Variants in GPC6 observed in about 807,000 individuals in gnomAD.
GPC6 encodes the protein glypican 6.
Under a neutral mutation model 55.2 loss-of-function variants are expected in GPC6, and 14 were observed. That is an observed-to-expected ratio of 0.25 (90% CI 0.17 to 0.40). The LOEUF is 0.40. Ranked by LOEUF, GPC6 falls within the 10% of genes least tolerant of loss-of-function variation. The pLI is 1.00. For missense variants in GPC6, 641 were observed against 708.5 expected, an observed-to-expected ratio of 0.90 and a Z score of 1.08; for synonymous variants, 278 against 259.6, an observed-to-expected ratio of 1.07 and a Z score of -0.68.
intron 1 of GPC6, among the ~76,000 whole-genome samples, chr13:93,535,160 G>A (rs1178626568): frequency 6.6e-6 from 1 of 152,050 alleles, no homozygotes; most frequent in African/African-American, 2.4e-5. Context: ...TAAGTGTTGT[G>A]TCTAATTATA....
At chr13:94,172,146 G>A (rs1183800361) in intron 4 of GPC6, among the ~76,000 whole-genome samples, 2 of 152,022 alleles carry the variant, frequency 1.3e-5, no homozygotes, top group African/African-American at 4.8e-5. Flanking sequence ...TTCTTAGATT[G>A]TAGTGTTATG....
intron 1 of GPC6, among the ~76,000 whole-genome samples, chr13:93,467,274 C>T (rs1014420907): frequency 6.6e-6 from 1 of 152,140 alleles, no homozygotes; most frequent in Non-Finnish European, 1.5e-5. Flanking sequence ...TGGTAATTTG[C>T]ATATATACTG....
Position 93,679,195 on chromosome 13 carries a change from T to C in GPC6, c.319+133774T>C, listed in dbSNP as rs140377847. On this transcript the variant is annotated intron_variant, in intron 2 of 8. Coordinates refer to ENST00000377047, the MANE Select transcript of GPC6 (RefSeq NM_005708.5). ...AATAATTTTAAAATGTTGTATATTA[T>C]GAGATTCCCTTTTGTGAAACACAGC... Among the ~76,000 whole-genome samples the C allele has an allele frequency of 2.1e-3, 326 of 152,280 alleles. 1 individual carries two copies. Among genetic ancestry groups the C allele is most frequent in the Admixed American group, 3.8e-3 (58 of 15,270 alleles).
At chr13:94,229,526 G>A (rs1890657571) in intron 4 of GPC6, among the ~76,000 whole-genome samples, 1 of 152,180 alleles carries the variant, frequency 6.6e-6, no homozygotes, top group Non-Finnish European at 1.5e-5. Context: ...AAGCCAAGGA[G>A]TATTTTAATT....
chr13:94,241,381 G>T (rs559945711), intron 4 of GPC6, among the ~76,000 whole-genome samples: 1 of 152,238 alleles, frequency 6.6e-6, no homozygotes, highest in Non-Finnish European at 1.5e-5. Flanking sequence ...AAATTGGATT[G>T]CATGGCTTTC....
chr13:93,659,321 TC>T (rs945400014), intron 2 of GPC6, among the ~76,000 whole-genome samples: 50 of 152,122 alleles, frequency 3.3e-4, no homozygotes, highest in African/African-American at 1.1e-3. Flanking sequence ...GGCTTTTACT[TC>T]CTGTGTTTCT....
At chr13:94,356,168 A>G (rs948297926) in intron 6 of GPC6, among the ~76,000 whole-genome samples, 1 of 152,212 alleles carries the variant, frequency 6.6e-6, no homozygotes, top group Non-Finnish European at 1.5e-5. Context: ...TACATGTACC[A>G]TATTTTCTTT....
At chr13:93,672,373 T>A (rs539201775) in intron 2 of GPC6, among the ~76,000 whole-genome samples, 2 of 152,034 alleles carry the variant, frequency 1.3e-5, no homozygotes, top group Non-Finnish European at 2.9e-5. Context: ...GAAATGATTT[T>A]TACCACGGAT....
At chr13:93,899,972 C>A (rs1303441150) in intron 3 of GPC6, among the ~76,000 whole-genome samples, 1 of 152,080 alleles carries the variant, frequency 6.6e-6, no homozygotes, top group Admixed American at 6.6e-5. Context: ...CAGGTTAAAT[C>A]ATATTGTCAA....
At chr13:93,233,008 G>T (rs1876114077) in intron 1 of GPC6, among the ~76,000 whole-genome samples, 1 of 152,066 alleles carries the variant, frequency 6.6e-6, no homozygotes, top group Non-Finnish European at 1.5e-5. Flanking sequence ...GATTTATCTT[G>T]CCAGTATAAA....
In GPC6 at chr13:94,104,207, T is replaced by C. The variant is rs372956416; in HGVS notation, c.877+76313T>C. Among the ~76,000 whole-genome samples the C allele has an allele frequency of 1.8e-4, 27 of 152,328 alleles. No individual in the cohort carries two copies. In the East Asian group the frequency reaches 2.9e-3, roughly 16 times the overall value. On this transcript the variant is annotated intron_variant, in intron 4 of 8. Coordinates refer to ENST00000377047, the MANE Select transcript of GPC6 (RefSeq NM_005708.5). ...TCAGATGGTTGTAGATGTGTGGTAT[T>C]ATTTCTGAGGGCTCTGTTCTGTTCC...
At chr13:93,570,733 C>T (rs1876359977) in intron 2 of GPC6, among the ~76,000 whole-genome samples, 1 of 152,070 alleles carries the variant, frequency 6.6e-6, no homozygotes, top group South Asian at 2.1e-4. Flanking sequence ...AATTTGCCAA[C>T]ATTGGACGCA....
At chr13:94,032,493 GT>G (rs1377986469) in intron 4 of GPC6, among the ~76,000 whole-genome samples, 3 of 152,184 alleles carry the variant, frequency 2.0e-5, no homozygotes, top group African/African-American at 7.2e-5. Context: ...CCCTCAGACA[GT>G]TTGTTTCCCG....
chr13:93,945,078 C>A (rs1594609513), intron 3 of GPC6, among the ~76,000 whole-genome samples: 2 of 152,188 alleles, frequency 1.3e-5, no homozygotes, highest in Admixed American at 1.3e-4. Context: ...TTTTCCTAAT[C>A]CGTATTTCAC....
At chr13:93,910,561 G>A (rs780972865) in intron 3 of GPC6, among the ~76,000 whole-genome samples, 17 of 151,988 alleles carry the variant, frequency 1.1e-4, no homozygotes, top group Non-Finnish European at 2.2e-4. Flanking sequence ...GAAATCACTT[G>A]GTATATTTTT....
intron 1 of GPC6, among the ~76,000 whole-genome samples, chr13:93,310,414 A>G (rs1312216949): frequency 6.6e-6 from 1 of 152,128 alleles, no homozygotes; most frequent in African/African-American, 2.4e-5. Context: ...ATCTCCGTGG[A>G]GTGAGCAAAA....
intron 6 of GPC6, among the ~76,000 whole-genome samples, chr13:94,327,937 G>T (rs542343593): frequency 6.6e-6 from 1 of 152,192 alleles, no homozygotes; most frequent in East Asian, 1.9e-4. Context: ...TGGTAAACCT[G>T]CCTTCTTCAT....
chr13:93,649,808 A>G (rs371170068), intron 2 of GPC6, among the ~76,000 whole-genome samples: 22 of 152,296 alleles, frequency 1.4e-4, no homozygotes, highest in African/African-American at 5.3e-4. Context: ...TTATTACTGG[A>G]GGAAAAGGGA....
At chr13:93,865,264 G>A (rs752654827) in intron 3 of GPC6, among the ~76,000 whole-genome samples, 7 of 151,546 alleles carry the variant, frequency 4.6e-5, no homozygotes, top group Admixed American at 2.0e-4. Context: ...CTTACTCTCT[G>A]GGGAAAAAAA....
Sources: allele counts gnomAD v4.1 joint callset (sites outside exome capture counted in the v4.1 genomes callset), GRCh38; gene constraint gnomAD v4.1.1; transcripts MANE v1.5; gene names NCBI Gene and HGNC (gene_info 2026-07-23, HGNC 2026-07-21).